SEC63: variants seen among roughly 807,000 people sequenced by gnomAD.
SEC63 encodes the protein SEC63 protein translocation regulator.
A neutral mutation model predicts 116.2 loss-of-function variants in SEC63; 56 were observed. The observed-to-expected ratio is 0.48, with a 90% CI of 0.39 to 0.60. SEC63 has a LOEUF of 0.60. Ranked by LOEUF, SEC63 falls within the 20% of genes least tolerant of loss-of-function variation. The pLI is 0.00. For missense variants in SEC63, 668 were observed against 900.0 expected (o/e 0.74, Z 3.30); for synonymous variants, 273 against 294.6 (o/e 0.93, Z 0.75).
intron 4 of SEC63, among the ~76,000 whole-genome samples, chr6:107,913,968 T>G (rs112573385): frequency 0.01 from 1,549 of 152,276 alleles, 18 homozygotes; most frequent in Non-Finnish European, 0.013. Context: ...GTAAGGTAAT[T>G]TGCACTGTGC....
chr6:107,914,928 C>T (rs552820681), intron 4 of SEC63, among the ~76,000 whole-genome samples: 69 of 152,252 alleles, frequency 4.5e-4, no homozygotes, highest in African/African-American at 1.6e-3. Context: ...CACAGACCTA[C>T]GAGTTACGAT....
At chr6:107,953,167 C>T (rs537206775) in intron 1 of SEC63, among the ~76,000 whole-genome samples, 3 of 152,098 alleles carry the variant, frequency 2.0e-5, no homozygotes, top group South Asian at 4.1e-4. Flanking sequence ...GGCTGAGGCA[C>T]GAGAATCGTT....
chr6:107,908,217 A>C (rs532550794), intron 8 of SEC63, among the ~76,000 whole-genome samples: 31 of 152,190 alleles, frequency 2.0e-4, no homozygotes, highest in Non-Finnish European at 3.5e-4. Context: ...TTTTTTTTTA[A>C]AGAGGGATGG....
intron 18 of SEC63, chr6:107,877,071 GTA>G (rs1554231968): frequency 0.052 from 1,791 of 34,650 alleles, 42 homozygotes; most frequent in African/African-American, 0.15. Context: ...ATATGTGTGT[GTA>G]TATATATATA....
chr6:107,939,953 T>C (rs1770339040), intron 1 of SEC63, among the ~76,000 whole-genome samples: 1 of 152,176 alleles, frequency 6.6e-6, no homozygotes. Context: ...ATCTGAATAG[T>C]TAGCCATATG....
chr6:107,952,591 C>A (rs1258601627), intron 1 of SEC63, among the ~76,000 whole-genome samples: 2 of 151,582 alleles, frequency 1.3e-5, no homozygotes, highest in Non-Finnish European at 2.9e-5. Flanking sequence ...AACTCTGTCT[C>A]TACTAAAAAT....
At chr6:107,950,677 T>C (rs1770563663) in intron 1 of SEC63, among the ~76,000 whole-genome samples, 1 of 152,188 alleles carries the variant, frequency 6.6e-6, no homozygotes, top group South Asian at 2.1e-4. Context: ...GGAAGTTAAA[T>C]AACTTGCCTA....
intron 3 of SEC63, among the ~76,000 whole-genome samples, chr6:107,924,601 T>A (rs1787632467): frequency 6.6e-6 from 1 of 152,176 alleles, no homozygotes; most frequent in African/African-American, 2.4e-5. Flanking sequence ...CTTCAAATAT[T>A]CTTATATTTT....
At chr6:107,950,894 C>T (rs73762101) in intron 1 of SEC63, among the ~76,000 whole-genome samples, 3,487 of 152,136 alleles carry the variant, frequency 0.023, 112 homozygotes, top group African/African-American at 0.079. Context: ...TTTGATTATT[C>T]GAAATTCTAA....
Position 107,908,945 on chromosome 6 carries a change from G to A in SEC63, c.715C>T (p.Arg239Ter), listed in dbSNP as rs755795110. 5.0e-6 allele frequency: 8 copies of A among 1,604,586 alleles called. No individual in the cohort carries two copies. The highest frequency in any genetic ancestry group is 2.2e-5 in the East Asian group (1 of 44,766). ...TACTTACGTTTCATATCCATATTTC[G>A]GGTTTTATAAACAAAGTATGTATAA... Reference protein sequence around the residue: ...QIYTYFVYKTRNMDMKRLIMV... With the variant: ...QIYTYFVYKT The change falls in exon 8 of 21, where the codon CGA (arginine) becomes TGA (stop). Residue 239 changes from arginine (R) to a stop codon, truncating the protein, a stop_gained. Coordinates refer to ENST00000369002, the MANE Select transcript of SEC63 (RefSeq NM_007214.5). LOFTEE classifies it high-confidence loss of function.
rs1041668439 is a variant in SEC63, at chr6:107,868,047, A to T, written c.*3657T>A. The T allele has an allele frequency of 2.6e-5, 4 of 152,110 alleles. No homozygotes were observed. The highest frequency in any genetic ancestry group is 5.9e-5 in the Non-Finnish European group (4 of 68,030). The allele number at this position is 152,110 out of a possible 1,614,324, so 9.4% of individuals were successfully genotyped here. The stretch of plus-strand genomic sequence containing the variant: ...TTTTTAAGTTTTGCAAAATAGCCCT[A>T]GCATCAAGTTTAAATGGATGAGAAT... On this transcript the variant is annotated 3_prime_UTR_variant, in exon 21 of 21. Transcript: ENST00000369002.
intron 4 of SEC63, among the ~76,000 whole-genome samples, chr6:107,915,761 A>C (rs1337168067): frequency 6.6e-6 from 1 of 152,198 alleles, no homozygotes; most frequent in Non-Finnish European, 1.5e-5. Flanking sequence ...ACTGCATTCC[A>C]AGGCTGCTAG....
chr6:107,877,071 G>GTATATATATATATATATATATA (rs1554231968), intron 18 of SEC63: 2 of 34,478 alleles, frequency 5.8e-5, no homozygotes, highest in African/African-American at 1.8e-4. Context: ...ATATGTGTGT[G>GTATATATATATATATATATATA]TATATATATA....
At chr6:107,957,575 A>C (rs1393446107) in intron 1 of SEC63, 1 of 203,890 alleles carries the variant, frequency 4.9e-6, no homozygotes, top group South Asian at 1.8e-4. Flanking sequence ...CTTCCTCCAT[A>C]AAGAAAAATC....
At chr6:107,872,770 C>T (rs750736146) in intron 20 of SEC63, 38 bp downstream of exon 20, 2 of 1,183,424 alleles carry the variant, frequency 1.7e-6, no homozygotes, top group East Asian at 2.4e-5. Context: ...AACATTTATA[C>T]AGAAAACTCT....
chr6:107,936,138 A>G (rs1206908116), intron 1 of SEC63, among the ~76,000 whole-genome samples: 3 of 152,236 alleles, frequency 2.0e-5, no homozygotes, highest in Non-Finnish European at 4.4e-5. Flanking sequence ...ATGATGTTCT[A>G]CTGTTCCTGG....
chr6:107,951,828 C>A (rs990417213), intron 1 of SEC63, among the ~76,000 whole-genome samples: 2 of 151,992 alleles, frequency 1.3e-5, no homozygotes, highest in African/African-American at 4.8e-5. Flanking sequence ...AAAAAATTAG[C>A]CAGGCGTGGT....
intron 1 of SEC63, among the ~76,000 whole-genome samples, chr6:107,947,196 C>T (rs2114514574): frequency 6.6e-6 from 1 of 152,106 alleles, no homozygotes; most frequent in Admixed American, 6.5e-5. Flanking sequence ...TACTTGGAGG[C>T]TGTGGTGGGA....
At chr6:107,894,564 T>C (rs995457192) in intron 14 of SEC63, among the ~76,000 whole-genome samples, 3 of 151,960 alleles carry the variant, frequency 2.0e-5, no homozygotes, top group Non-Finnish European at 2.9e-5. Context: ...CCACCAACCA[T>C]ACAATCCATT....
Sources: gnomAD v4.1 joint callset for allele counts (sites outside exome capture counted in the v4.1 genomes callset) on GRCh38, gnomAD v4.1.1 for gene constraint, MANE v1.5 for transcripts, NCBI Gene and HGNC (gene_info 2026-07-23, HGNC 2026-07-21) for gene names.